Variants in SIL1 observed in about 807,000 individuals in gnomAD.
SIL1 encodes the protein nucleotide exchange factor SIL1.
Under a neutral mutation model 49.1 loss-of-function variants are expected in SIL1, and 40 were observed. That is an observed-to-expected ratio of 0.81 (90% confidence interval 0.63 to 1.06). The LOEUF is 1.06. Ranked by LOEUF, SIL1 falls within the 50% of genes least tolerant of loss-of-function variation. The pLI is 0.00. For missense variants in SIL1, 500 were observed against 572.6 expected (o/e 0.87, Z 1.29); for synonymous variants, 253 against 250.8 (o/e 1.01, Z -0.08).
At chr5:139,194,935 T>C (rs143317113) in intron 1 of SIL1, among the ~76,000 whole-genome samples, 1,688 of 152,058 alleles carry the variant, frequency 0.011, 29 homozygotes, top group African/African-American at 0.039. Flanking sequence ...AGAGCCTTTT[T>C]TTTTTTTTTT....
intron 1 of SIL1, among the ~76,000 whole-genome samples, chr5:139,174,833 G>T (rs1480307305): frequency 6.7e-6 from 1 of 149,864 alleles, no homozygotes; most frequent in Non-Finnish European, 1.5e-5. Context: ...AGCTACTCAG[G>T]AGGCTGAGCC....
intron 1 of SIL1, among the ~76,000 whole-genome samples, chr5:139,182,618 T>C (rs1752011240): frequency 6.6e-6 from 1 of 152,158 alleles, no homozygotes; most frequent in Non-Finnish European, 1.5e-5. Flanking sequence ...GGTGCCTTAA[T>C]AGACTGACAA....
intron 5 of SIL1, among the ~76,000 whole-genome samples, chr5:139,040,484 C>CTTTTTTTTTTTTTTTTTTTTTTTTTTT (rs140792595): frequency 1.1e-5 from 1 of 89,410 alleles, no homozygotes; most frequent in Non-Finnish European, 2.1e-5. Flanking sequence ...AGTATTTTTT[C>CTTTTTTTTTTTTTTTTTTTTTTTTTTT]TTTTTTCTTT....
intron 3 of SIL1, chr5:139,108,032 A>T (rs1770758161): frequency 6.6e-6 from 1 of 152,210 alleles, no homozygotes; most frequent in African/African-American, 2.4e-5. Context: ...CGGCAGCAAC[A>T]ATCAAATGCC....
chr5:138,949,492 C>T (rs1766714278), intron 9 of SIL1, among the ~76,000 whole-genome samples: 1 of 152,314 alleles, frequency 6.6e-6, no homozygotes, highest in South Asian at 2.1e-4. Context: ...TCTGGACCCA[C>T]CCCTAGCTTG....
intron 6 of SIL1, among the ~76,000 whole-genome samples, chr5:139,025,417 A>C (rs1768622942): frequency 6.6e-6 from 1 of 152,186 alleles, no homozygotes; most frequent in South Asian, 2.1e-4. Flanking sequence ...AAATGGGATT[A>C]ATAGTGGTAC....
At chr5:139,196,192 AAATAAT>A (rs909804046) in intron 1 of SIL1, among the ~76,000 whole-genome samples, 9 of 151,972 alleles carry the variant, frequency 5.9e-5, no homozygotes, top group African/African-American at 1.4e-4. Flanking sequence ...CCCATCTGAA[AAATAAT>A]AATAATAATA....
intron 6 of SIL1, among the ~76,000 whole-genome samples, chr5:139,022,777 T>C (rs930633174): frequency 6.6e-6 from 1 of 152,248 alleles, no homozygotes; most frequent in African/African-American, 2.4e-5. Context: ...GAGGAATAAC[T>C]GGTTGAGCCA....
intron 3 of SIL1, among the ~76,000 whole-genome samples, chr5:139,119,642 T>A (rs1750565820): frequency 6.6e-6 from 1 of 152,040 alleles, no homozygotes; most frequent in Non-Finnish European, 1.5e-5. Flanking sequence ...GCACCTATAG[T>A]CCCAGCTACT....
chr5:139,028,507 CAAAACAA>C (rs953780558), intron 5 of SIL1, among the ~76,000 whole-genome samples: 13 of 60,632 alleles, frequency 2.1e-4, no homozygotes, highest in Non-Finnish European at 2.4e-4. Context: ...CAAAACAAAA[CAAAACAA>C]AACAAAACAA....
At chr5:138,986,216 T>C (rs1233633922) in intron 7 of SIL1, among the ~76,000 whole-genome samples, 1 of 152,236 alleles carries the variant, frequency 6.6e-6, no homozygotes, top group Non-Finnish European at 1.5e-5. Context: ...CTCTGGAAGA[T>C]TTCTGCCCAG....
intron 3 of SIL1, among the ~76,000 whole-genome samples, chr5:139,069,226 T>C (rs1329903191): frequency 6.6e-6 from 1 of 152,098 alleles, no homozygotes; most frequent in Admixed American, 6.5e-5. Context: ...AGCTCAAGAT[T>C]GCAGTGAGCT....
chr5:138,986,587 C>T (rs1767654081), intron 7 of SIL1, among the ~76,000 whole-genome samples: 1 of 152,110 alleles, frequency 6.6e-6, no homozygotes, highest in African/African-American at 2.4e-5. Flanking sequence ...CCAGCCCTCT[C>T]AAGGCACTGA....
chr5:139,195,133 T>C (rs1477256549), intron 1 of SIL1, among the ~76,000 whole-genome samples: 1 of 151,926 alleles, frequency 6.6e-6, no homozygotes, highest in Non-Finnish European at 1.5e-5. Context: ...GGTTTCTCCA[T>C]GTTGGTCAGG....
At chr5:139,055,752 G>T (rs1769398087) in intron 3 of SIL1, among the ~76,000 whole-genome samples, 1 of 149,364 alleles carries the variant, frequency 6.7e-6, no homozygotes, top group African/African-American at 2.5e-5. Flanking sequence ...TGCCATCTCG[G>T]CTCACTGCAA....
At chr5:139,148,109 C>T (rs1252323028) in intron 1 of SIL1, among the ~76,000 whole-genome samples, 1 of 142,668 alleles carries the variant, frequency 7.0e-6, no homozygotes, top group Non-Finnish European at 1.5e-5. Context: ...TTTTAAAGTG[C>T]ATTAAAAAAA....
At chr5:138,990,794 C>A (rs1767739103) in intron 7 of SIL1, among the ~76,000 whole-genome samples, 1 of 152,240 alleles carries the variant, frequency 6.6e-6, no homozygotes, top group East Asian at 1.9e-4. Context: ...CGGCTCACCG[C>A]AACCTCTACC....
intron 1 of SIL1, among the ~76,000 whole-genome samples, chr5:139,191,287 C>A (rs1752163223): frequency 6.6e-6 from 1 of 151,532 alleles, no homozygotes; most frequent in African/African-American, 2.4e-5. Context: ...ATGAGCTGGC[C>A]CCTTAAGCTT....
intron 6 of SIL1, among the ~76,000 whole-genome samples, chr5:139,026,153 A>G (rs1444350072): frequency 6.6e-6 from 1 of 152,284 alleles, no homozygotes. Context: ...CCCTCATTAC[A>G]ATCTTAAATT....
Sources: gnomAD v4.1 joint callset for allele counts (sites outside exome capture counted in the v4.1 genomes callset) on GRCh38, gnomAD v4.1.1 for gene constraint, MANE v1.5 for transcripts, NCBI Gene and HGNC (gene_info 2026-07-23, HGNC 2026-07-21) for gene names.